AFAP1: variants seen among roughly 807,000 people sequenced by gnomAD.
AFAP1 encodes actin filament associated protein 1.
In AFAP1, 75 loss-of-function variants were observed where a neutral mutation model predicts 93.9. The ratio of observed to expected loss-of-function variants is 0.80; its 90% CI spans 0.66 to 0.97. The LOEUF (loss-of-function observed/expected upper bound fraction) is 0.97, where lower values mean the gene tolerates loss of function less well. Ranked by LOEUF, AFAP1 falls within the 50% of genes least tolerant of loss-of-function variation. The pLI, the probability that AFAP1 is intolerant of heterozygous loss-of-function variation, is 0.00. For synonymous variants in AFAP1, 517 were observed against 430.7 expected (o/e 1.20, Z -2.48); for missense variants, 1,201 against 1,050.8 (o/e 1.14, Z -1.98).
rs71175435 is a variant in AFAP1 at position 7,874,530 on chromosome 4, A to ATTTTTTT, written c.-2-2457_-2-2451dup. Among the ~76,000 whole-genome samples, 61 of 51,506 alleles carry ATTTTTTT rather than the reference A, an allele frequency of 1.2e-3. 3 individuals are homozygous for ATTTTTTT. The highest frequency in any genetic ancestry group is 1.3e-3 in the Non-Finnish European group (44 of 33,024). 33.8% of individuals were successfully genotyped at this position (51,506 alleles called of 152,430 possible). On this transcript the variant is annotated intron_variant, in intron 1 of 17. Transcript: ENST00000420658. The stretch of plus-strand genomic sequence containing the variant: ...AGGCACCTACCACCATGCCCAGCTA[A>ATTTTTTT]TTTTTTTTTTTTTTTTTTTTTTTTT...
intron 4 of AFAP1, among the ~76,000 whole-genome samples, chr4:7,848,992 G>A (rs1038414180): frequency 6.6e-6 from 1 of 152,190 alleles, no homozygotes; most frequent in Non-Finnish European, 1.5e-5. Context: ...CTGAGAAGGC[G>A]GTTAGGGCGT....
intron 1 of AFAP1, among the ~76,000 whole-genome samples, chr4:7,919,480 A>C (rs2149235232): frequency 6.6e-6 from 1 of 152,344 alleles, no homozygotes; most frequent in Admixed American, 6.5e-5. Flanking sequence ...AACGTTTAGT[A>C]GAATCTAAGA....
intron 3 of AFAP1, among the ~76,000 whole-genome samples, chr4:7,862,925 G>A (rs1217220387): frequency 1.3e-5 from 2 of 152,134 alleles, no homozygotes; most frequent in African/African-American, 2.4e-5. Context: ...CACAAACGGC[G>A]CTTATCCATT....
rs947700877 is a variant in AFAP1, at chr4:7,831,861, A to G, written c.726+6663T>C. Among the ~76,000 whole-genome samples the G allele has an allele frequency of 7.2e-5, 11 of 152,342 alleles. 1 individual carries two copies. In the South Asian group the frequency reaches 1.9e-3, roughly 26 times the overall value. ...TACAGAAAGCTTCACACTGAATTCC[A>G]TAATTGTCGTTCCCTCCTTACGGAA... On this transcript the variant is annotated intron_variant, in intron 6 of 17. Transcript: ENST00000420658.
intron 1 of AFAP1, among the ~76,000 whole-genome samples, chr4:7,918,081 T>C (rs1022472008): frequency 7.2e-5 from 11 of 152,210 alleles, no homozygotes; most frequent in African/African-American, 2.7e-4. Context: ...ATGGTGGAAA[T>C]GTTTTGCTTG....
At chr4:7,879,812 C>T (rs1004789915) in intron 1 of AFAP1, among the ~76,000 whole-genome samples, 16 of 151,124 alleles carry the variant, frequency 1.1e-4, no homozygotes, top group Admixed American at 2.6e-4. Context: ...ACTGCAGGCA[C>T]GCACCACGAC....
chr4:7,807,013 T>G (rs1477188962), intron 9 of AFAP1, among the ~76,000 whole-genome samples: 2 of 152,064 alleles, frequency 1.3e-5, no homozygotes, highest in Non-Finnish European at 2.9e-5. Flanking sequence ...ACCAGCACAG[T>G]TGGGTCAGAG....
rs78947393 is a variant in AFAP1 at position 7,780,643 on chromosome 4, C to CTT, written c.1782+731_1782+732dup. Among the ~76,000 whole-genome samples, 445 of 142,586 alleles carry CTT rather than the reference C, an allele frequency of 3.1e-3. 1 individual carries two copies. The highest frequency in any genetic ancestry group is 0.01 in the African/African-American group (400 of 39,496). The allele number at this position is 142,586 out of a possible 152,430, so 93.5% of individuals were successfully genotyped here. A position where few individuals can be genotyped will look rare whatever the true frequency, so the allele number is the denominator to read the frequency against. On this transcript the variant is annotated intron_variant, in intron 13 of 17. Coordinates refer to ENST00000420658, the MANE Select transcript of AFAP1 (RefSeq NM_001134647.2). ...CCTGGGCAACATAGTGAGACTTCAT[C>CTT]TTTTTTTTTTTTTTTAAAAAGGCCT...
intron 1 of AFAP1, among the ~76,000 whole-genome samples, chr4:7,915,738 C>T (rs538287551): frequency 6.6e-6 from 1 of 152,354 alleles, no homozygotes; most frequent in Admixed American, 6.5e-5. Context: ...AGGAGAACCC[C>T]CACAAAACCA....
chr4:7,910,303 T>C (rs11725868), intron 1 of AFAP1, among the ~76,000 whole-genome samples: 1 of 151,960 alleles, frequency 6.6e-6, no homozygotes, highest in Admixed American at 6.6e-5. Flanking sequence ...GGAATTCCAG[T>C]CCTAGCCCTG....
At chr4:7,831,653 G>C (rs1022434356) in intron 6 of AFAP1, among the ~76,000 whole-genome samples, 1 of 152,204 alleles carries the variant, frequency 6.6e-6, no homozygotes, top group Non-Finnish European at 1.5e-5. Flanking sequence ...CAGCAAGAAG[G>C]GGGCTGCTCT....
At chr4:7,871,710 G>A (rs1717065147) in intron 2 of AFAP1, among the ~76,000 whole-genome samples, 1 of 152,166 alleles carries the variant, frequency 6.6e-6, no homozygotes, top group Non-Finnish European at 1.5e-5. Context: ...TCCAAACGCT[G>A]GGGTTGCCCT....
chr4:7,889,995 A>G (rs979817524), intron 1 of AFAP1, among the ~76,000 whole-genome samples: 2 of 108,516 alleles, frequency 1.8e-5, no homozygotes, highest in African/African-American at 6.8e-5. Context: ...TCCCAGGAGC[A>G]ATTTTTGTTA....
At chr4:7,914,523 A>G (rs1233800867) in intron 1 of AFAP1, among the ~76,000 whole-genome samples, 1 of 151,958 alleles carries the variant, frequency 6.6e-6, no homozygotes, top group Non-Finnish European at 1.5e-5. Flanking sequence ...TAAAGACCAC[A>G]TTTTCTCTAT....
chr4:7,834,252 T>A (rs1402505165), intron 6 of AFAP1, among the ~76,000 whole-genome samples: 1 of 152,130 alleles, frequency 6.6e-6, no homozygotes, highest in Non-Finnish European at 1.5e-5. Flanking sequence ...AACCAAACAT[T>A]GTATGTTCTC....
At chr4:7,797,353 G>T (rs1372730688) in intron 10 of AFAP1, among the ~76,000 whole-genome samples, 1 of 152,136 alleles carries the variant, frequency 6.6e-6, no homozygotes, top group Non-Finnish European at 1.5e-5. Flanking sequence ...GGGGAAAAAT[G>T]CAGTCAATTT....
At chr4:7,904,524 T>C (rs928965903) in intron 1 of AFAP1, among the ~76,000 whole-genome samples, 5 of 152,198 alleles carry the variant, frequency 3.3e-5, no homozygotes, top group Non-Finnish European at 7.3e-5. Flanking sequence ...CTGAGTTTTA[T>C]CTCGTCTAGT....
chr4:7,809,798 T>C (rs1361081145), intron 8 of AFAP1, 35 bp from the exon 9 acceptor site: 4 of 1,583,748 alleles, frequency 2.5e-6, no homozygotes, highest in Non-Finnish European at 3.4e-6. Flanking sequence ...AAGCATGTTT[T>C]AATTGTAGAT....
At chr4:7,900,153 T>C (rs1477846022) in intron 1 of AFAP1, among the ~76,000 whole-genome samples, 2 of 152,172 alleles carry the variant, frequency 1.3e-5, no homozygotes, top group Non-Finnish European at 2.9e-5. Context: ...AAGAATGCCA[T>C]TCTCAATGAT....
Sources: gnomAD v4.1 joint callset for allele counts (sites outside exome capture counted in the v4.1 genomes callset) on GRCh38, gnomAD v4.1.1 for gene constraint, MANE v1.5 for transcripts, NCBI Gene and HGNC (gene_info 2026-07-23, HGNC 2026-07-21) for gene names.